The following NCOR1 variants were observed in gnomAD, a reference collection of about 807,000 sequenced individuals.
NCOR1 encodes nuclear receptor corepressor 1.
A neutral mutation model predicts 288.1 loss-of-function variants in NCOR1; 63 were observed. The ratio of observed to expected loss-of-function variants is 0.22; its 90% CI spans 0.18 to 0.27. NCOR1 has a LOEUF of 0.27. NCOR1 is among the 10% of genes least tolerant of loss of function. The pLI, the probability that NCOR1 is intolerant of heterozygous loss-of-function variation, is 1.00. For missense variants in NCOR1, 2,397 were observed against 3,019.2 expected, an observed-to-expected ratio of 0.79 and a Z score of 4.83; for synonymous variants, 1,007 against 1,065.9, an observed-to-expected ratio of 0.94 and a Z score of 1.08.
At chr17:16,166,432 G>A (rs1372122136) in intron 4 of NCOR1, among the ~76,000 whole-genome samples, 3 of 152,120 alleles carry the variant, frequency 2.0e-5, no homozygotes, top group Non-Finnish European at 2.9e-5. Context: ...TGTAATCCCA[G>A]TACTTTGGGA....
chr17:16,142,488 T>C (rs189639461), intron 11 of NCOR1, among the ~76,000 whole-genome samples: 3 of 152,116 alleles, frequency 2.0e-5, no homozygotes, highest in African/African-American at 7.2e-5. Flanking sequence ...CAATACTAGA[T>C]GGCTTTTGGA....
In NCOR1 at chr17:16,137,418, A is replaced by C; in HGVS notation, c.1408-6T>G. 1.4e-6 allele frequency: 2 copies of C among 1,440,778 alleles called. No individual in the cohort carries two copies. The highest frequency in any genetic ancestry group is 1.9e-6 in the Non-Finnish European group (2 of 1,057,068). The allele number at this position is 1,440,778 out of a possible 1,614,324, so 89.2% of individuals were successfully genotyped here. On this transcript the variant is annotated splice_region_variant and splice_polypyrimidine_tract_variant and intron_variant, in intron 13 of 45. Transcript: ENST00000268712. ...AAAACACAATCAGGAACACTCTGTA[A>C]GAAATAAAACAATTATTTTTGAGGA...
intron 21 of NCOR1, among the ~76,000 whole-genome samples, chr17:16,094,627 C>T (rs1206241602): frequency 2.0e-5 from 3 of 152,146 alleles, no homozygotes; most frequent in Admixed American, 6.5e-5. Flanking sequence ...CAAAGCTGGA[C>T]TGTGCCGCTG....
chr17:16,125,185 G>A (rs868068425), intron 15 of NCOR1, among the ~76,000 whole-genome samples: 1 of 151,998 alleles, frequency 6.6e-6, no homozygotes, highest in Non-Finnish European at 1.5e-5. Flanking sequence ...GCAACATGGT[G>A]AAACCCCATC....
At chr17:16,059,049 C>CAAAAAAAAAAAA (rs57820388) in intron 37 of NCOR1, among the ~76,000 whole-genome samples, 1 of 17,444 alleles carries the variant, frequency 5.7e-5, no homozygotes, top group African/African-American at 1.4e-4. Context: ...AACTCCGTCT[C>CAAAAAAAAAAAA]AAAAAAAAAA....
intron 42 of NCOR1, among the ~76,000 whole-genome samples, chr17:16,045,819 T>A (rs1079534): frequency 0.51 from 71,861 of 140,094 alleles, 18,127 homozygotes; most frequent in Middle Eastern, 0.61. Context: ...TTAAAAAAAA[T>A]TTTTTTTTTT....
Position 16,062,258 on chromosome 17 carries a change from G to A in NCOR1, c.5234C>T (p.Pro1745Leu). ...DLYLRPGSEQ[P>L]GRPGSHGYVR... Reference sequence around the variant, plus strand: ...ATATCCATGACTGCCAGGTCGGCCAGGCTGTTCTGAGCCTGCAGAGGTGAA... The same window carrying A: ...ATATCCATGACTGCCAGGTCGGCCAAGCTGTTCTGAGCCTGCAGAGGTGAA... The change falls in exon 36 of 46, where the codon CCT (proline) becomes CTT (leucine). Residue 1745 changes from proline (P) to leucine (L), a missense_variant. Physicochemically the swap from Pro to Leu is moderately conservative, Grantham distance 98. Around this residue, in one of 11 missense-constraint regions of NCOR1, gnomAD observed 1,872 missense variants for 2,187.8 expected, o/e 0.86. Transcript: ENST00000268712. 1 of 1,607,266 alleles carries A rather than the reference G, an allele frequency of 6.2e-7. No homozygotes were observed. The highest frequency in any genetic ancestry group is 8.5e-7 in the Non-Finnish European group (1 of 1,178,534).
chr17:16,130,221 C>A (rs2075386605), intron 14 of NCOR1, among the ~76,000 whole-genome samples: 1 of 152,198 alleles, frequency 6.6e-6, no homozygotes, highest in Middle Eastern at 3.2e-3. Flanking sequence ...GCATAAAGAC[C>A]TATCATAACA....
At chr17:16,041,521 C>T (rs1199931254) in intron 42 of NCOR1, among the ~76,000 whole-genome samples, 2 of 145,030 alleles carry the variant, frequency 1.4e-5, no homozygotes, top group African/African-American at 2.5e-5. Flanking sequence ...TCAAGCAGTT[C>T]TCCTGCCTCA....
intron 42 of NCOR1, 23 bp from the exon 43 acceptor site, chr17:16,040,517 GTTAA>G: frequency 6.2e-7 from 1 of 1,607,288 alleles, no homozygotes; most frequent in Non-Finnish European, 8.5e-7. Context: ...AAACATTCAA[GTTAA>G]TTAAGATGTG....
intron 1 of NCOR1, among the ~76,000 whole-genome samples, chr17:16,206,791 G>C (rs1358888590): frequency 1.3e-5 from 2 of 152,042 alleles, no homozygotes; most frequent in East Asian, 3.9e-4. Flanking sequence ...GTATATAAAA[G>C]AATAGTACAT....
chr17:16,054,093 A>AC (rs1377327650), intron 40 of NCOR1, among the ~76,000 whole-genome samples: 5 of 146,260 alleles, frequency 3.4e-5, no homozygotes, highest in Non-Finnish European at 6.0e-5. Context: ...AAAAAAAAAA[A>AC]CTATAAAAAC....
chr17:16,120,424 A>G (rs184537403), intron 16 of NCOR1, among the ~76,000 whole-genome samples: 1 of 152,172 alleles, frequency 6.6e-6, no homozygotes, highest in Admixed American at 6.5e-5. Flanking sequence ...CTATCTAGTT[A>G]GTGCCCCTAT....
chr17:16,104,565 G>C (rs541639082), intron 19 of NCOR1, among the ~76,000 whole-genome samples: 2 of 152,336 alleles, frequency 1.3e-5, no homozygotes, highest in East Asian at 1.9e-4. Flanking sequence ...GAGGCCAGGA[G>C]TTCAAGACCA....
chr17:16,196,824 CAA>C (rs35922115), intron 1 of NCOR1, among the ~76,000 whole-genome samples: 167 of 91,170 alleles, frequency 1.8e-3, no homozygotes, highest in Non-Finnish European at 2.9e-3. Flanking sequence ...GACTCTGTCT[CAA>C]AAAAAAAAAA....
intron 17 of NCOR1, 60 bp from the exon 18 acceptor site, chr17:16,118,087 G>A (rs2072085714): frequency 6.5e-7 from 1 of 1,531,076 alleles, no homozygotes; most frequent in Non-Finnish European, 8.9e-7. Flanking sequence ...GCAAACAAGA[G>A]AAATAATAAA....
At chr17:16,101,221 A>AC (rs1422526762) in intron 20 of NCOR1, 29 bp downstream of exon 20, 1 of 1,543,106 alleles carries the variant, frequency 6.5e-7, no homozygotes, top group Non-Finnish European at 8.7e-7. Flanking sequence ...CAGAGTAAGC[A>AC]CGGGGAGGAC....
chr17:16,078,560 T>C (rs7223346), intron 26 of NCOR1, among the ~76,000 whole-genome samples: 80,723 of 151,760 alleles, frequency 0.53, 21,844 homozygotes, highest in Middle Eastern at 0.62. Flanking sequence ...AGAAACACAC[T>C]GACCCAATAT....
chr17:16,076,357 C>T (rs2062446887), intron 26 of NCOR1, among the ~76,000 whole-genome samples: 1 of 152,184 alleles, frequency 6.6e-6, no homozygotes, highest in African/African-American at 2.4e-5. Context: ...GAACTGTTAA[C>T]AAGCATACAG....
Sources: allele counts gnomAD v4.1 joint callset (sites outside exome capture counted in the v4.1 genomes callset), GRCh38; gene constraint gnomAD v4.1.1; regional missense constraint gnomAD v4.1.1; transcripts MANE v1.5; gene names NCBI Gene and HGNC (gene_info 2026-07-23, HGNC 2026-07-21).